Variants in PHIP observed in about 807,000 individuals in gnomAD.
The protein encoded by PHIP is PH-interacting protein.
Under a neutral mutation model 236.8 loss-of-function variants are expected in PHIP, and 54 were observed. That is an observed-to-expected ratio of 0.23 (90% CI 0.18 to 0.29). PHIP has a LOEUF of 0.29. PHIP is among the 10% of genes least tolerant of loss of function. The probability of loss-of-function intolerance (pLI) is 1.00; values close to 1 mark genes in which losing one functional copy is unlikely to be tolerated. For synonymous variants in PHIP, 756 were observed against 718.9 expected, an observed-to-expected ratio of 1.05 and a Z score of -0.83; for missense variants, 1,370 against 2,190.8, an observed-to-expected ratio of 0.63 and a Z score of 7.48.
At chr6:78,954,434 C>T (rs1766270543) in intron 35 of PHIP, among the ~76,000 whole-genome samples, 2 of 152,038 alleles carry the variant, frequency 1.3e-5, no homozygotes, top group African/African-American at 4.8e-5. Flanking sequence ...ATTCTCTTTA[C>T]ATCTCCATAA....
chr6:78,967,984 A>C (rs1767255228), intron 27 of PHIP, among the ~76,000 whole-genome samples: 1 of 151,970 alleles, frequency 6.6e-6, no homozygotes, highest in Non-Finnish European at 1.5e-5. Flanking sequence ...AATACAAAAA[A>C]AAAATTAGCC....
At chr6:79,062,039 C>T (rs1223587504) in intron 4 of PHIP, among the ~76,000 whole-genome samples, 1 of 152,104 alleles carries the variant, frequency 6.6e-6, no homozygotes, top group East Asian at 1.9e-4. Flanking sequence ...CATACTGCCA[C>T]CAAATAATCT....
chr6:78,941,802 A>T (rs1017644140), intron 39 of PHIP, among the ~76,000 whole-genome samples: 1 of 152,160 alleles, frequency 6.6e-6, no homozygotes, highest in Non-Finnish European at 1.5e-5. Flanking sequence ...ATATATATAT[A>T]TCAATCAAAA....
At chr6:78,974,970 C>T (rs919573630) in intron 24 of PHIP, among the ~76,000 whole-genome samples, 4 of 151,642 alleles carry the variant, frequency 2.6e-5, no homozygotes, top group Admixed American at 6.6e-5. Context: ...ACCATTCCTT[C>T]TGAAACTATT....
At chr6:78,969,469 T>C (rs988495463) in intron 27 of PHIP, among the ~76,000 whole-genome samples, 1 of 152,170 alleles carries the variant, frequency 6.6e-6, no homozygotes, top group African/African-American at 2.4e-5. Flanking sequence ...GATTAACCAA[T>C]AAAAGAAAAA....
intron 29 of PHIP, among the ~76,000 whole-genome samples, chr6:78,964,693 A>G (rs1767019345): frequency 6.6e-6 from 1 of 152,042 alleles, no homozygotes; most frequent in African/African-American, 2.4e-5. Context: ...GGGTTTCACC[A>G]TGTTGGTCAG....
intron 27 of PHIP, 42 bp from the exon 28 acceptor site, chr6:78,966,098 G>T: frequency 8.4e-7 from 1 of 1,192,554 alleles, no homozygotes; most frequent in Non-Finnish European, 1.3e-6. Context: ...TGAAATGCAT[G>T]GCTGCTGTCA....
chr6:79,029,132 A>C (rs1771538547), intron 7 of PHIP, among the ~76,000 whole-genome samples: 1 of 152,186 alleles, frequency 6.6e-6, no homozygotes, highest in Non-Finnish European at 1.5e-5. Flanking sequence ...TATTATCTCA[A>C]TTAACCTTTC....
chr6:78,955,671 C>G lies in PHIP; in HGVS notation c.3794G>C (p.Cys1265Ser). The G allele has an allele frequency of 1.9e-6, 2 of 1,049,906 alleles. No individual in the cohort carries two copies. The highest frequency in any genetic ancestry group is 2.9e-6 in the Non-Finnish European group (2 of 688,098). The allele number at this position is 1,049,906 out of a possible 1,614,324, so 65.0% of individuals were successfully genotyped here. The stretch of plus-strand genomic sequence containing the variant: ...ATTATAAAGTGGAATTATGTTATAA[C>G]AAGTCTGATCCCTACATAACAAGGA... ...LLLHFIKDQT[C>S]YNIIPLYNSM... is the part of the protein sequence containing the mutation. Residue 1265 changes from cysteine to serine, a missense_variant, in exon 33 of 40, where the codon TGT (cysteine) becomes TCT (serine). By Grantham distance (112) the Cys-to-Ser change is moderately radical. Coordinates refer to ENST00000275034, the MANE Select transcript of PHIP (RefSeq NM_017934.7).
chr6:78,970,876 G>A lies in PHIP; in HGVS notation c.2902C>T (p.Arg968Ter), dbSNP rs200788163. ...TCGACATAGGCTTCATGTCCTTGTC[G>A]GAAATAATAAACCTAAAAAATAAAG... ...PQMGDEVYYFRQGHEAYVEMA... is the reference protein window; with the variant it reads ...PQMGDEVYYF The change falls in exon 25 of 40, where the codon CGA becomes TGA. Residue 968 changes from arginine (R) to a stop codon, truncating the protein, a stop_gained. Transcript: ENST00000275034. LOFTEE classifies it high-confidence loss of function. 3 of 1,602,582 alleles carry A rather than the reference G, an allele frequency of 1.9e-6. No individual in the cohort carries two copies. The highest frequency in any genetic ancestry group is 1.7e-6 in the Non-Finnish European group (2 of 1,174,120).
chr6:79,007,839 T>C (rs1269366315), intron 15 of PHIP, among the ~76,000 whole-genome samples: 1 of 151,982 alleles, frequency 6.6e-6, no homozygotes, highest in Non-Finnish European at 1.5e-5. Context: ...AGAATAACCC[T>C]TAAGAAGTCC....
intron 9 of PHIP, among the ~76,000 whole-genome samples, chr6:79,023,221 A>C (rs1350539528): frequency 6.6e-6 from 1 of 152,126 alleles, no homozygotes; most frequent in Non-Finnish European, 1.5e-5. Context: ...TGGGACTATA[A>C]GTGTGTACCA....
In PHIP at chr6:79,057,057, T is replaced by C. The variant is rs550049026; in HGVS notation, c.439+3421A>G. On this transcript the variant is annotated intron_variant, in intron 6 of 39. Coordinates refer to ENST00000275034, the MANE Select transcript of PHIP (RefSeq NM_017934.7). The stretch of plus-strand genomic sequence containing the variant: ...ATCTAAAATAAAATTATCTCCAGGC[T>C]TCTGGCTTGGAGTAACAAGGTTCAG... Among the ~76,000 whole-genome samples the C allele has an allele frequency of 3.3e-4, 50 of 152,296 alleles. 1 individual carries two copies. The South Asian group carries it at 9.9e-3, about 30-fold the overall frequency.
intron 27 of PHIP, 47 bp from the exon 28 acceptor site, chr6:78,966,103 C>T (rs1767107851): frequency 1.8e-6 from 2 of 1,136,710 alleles, no homozygotes; most frequent in Non-Finnish European, 2.7e-6. Flanking sequence ...TGCATGGCTG[C>T]TGTCACTGCT....
At chr6:78,974,156 C>A (rs1478475498) in intron 24 of PHIP, among the ~76,000 whole-genome samples, 1 of 151,986 alleles carries the variant, frequency 6.6e-6, no homozygotes, top group African/African-American at 2.4e-5. Flanking sequence ...TGTAAAAGAA[C>A]AGAAATTATA....
intron 7 of PHIP, among the ~76,000 whole-genome samples, chr6:79,029,293 G>A (rs9343860): frequency 0.45 from 68,247 of 151,926 alleles, 15,980 homozygotes; most frequent in East Asian, 0.69. Flanking sequence ...CAACAGAACT[G>A]CAAGCATTCT....
At chr6:78,989,667 C>A (rs766844956) in intron 20 of PHIP, among the ~76,000 whole-genome samples, 33 of 152,024 alleles carry the variant, frequency 2.2e-4, no homozygotes, top group Non-Finnish European at 4.1e-4. Context: ...ATATACATAT[C>A]ATTCCTTTTA....
At chr6:78,964,243 G>T (rs1405898341) in intron 29 of PHIP, among the ~76,000 whole-genome samples, 1 of 151,934 alleles carries the variant, frequency 6.6e-6, no homozygotes, top group Non-Finnish European at 1.5e-5. Flanking sequence ...TATATTATTG[G>T]CATTAAATTT....
chr6:79,042,957 C>T lies in PHIP; in HGVS notation c.486G>A (p.Glu162=), dbSNP rs908793168. The change falls in exon 7 of 40, where the codon GAG becomes GAA. Residue 162 remains glutamate (E), a synonymous_variant. Coordinates refer to ENST00000275034, the MANE Select transcript of PHIP (RefSeq NM_017934.7). ...GATACACTGCAGTTGGAACAAGTCGCTCAAGTCTGTATTTCCCATTCAGCT... is the reference window on the plus strand; with the variant it reads ...GATACACTGCAGTTGGAACAAGTCGTTCAAGTCTGTATTTCCCATTCAGCT... ...SRKLNGKYRL[E]RLVPTAVYQH... is the part of the protein sequence containing the mutation. 1.2e-6 allele frequency: 2 copies of T among 1,612,258 alleles called. No homozygotes were observed. Among genetic ancestry groups the T allele is most frequent in the Admixed American group, 1.7e-5 (1 of 59,768 alleles).
Sources: gnomAD v4.1 joint callset for allele counts (sites outside exome capture counted in the v4.1 genomes callset) on GRCh38, gnomAD v4.1.1 for gene constraint, MANE v1.5 for transcripts, NCBI Gene and HGNC (gene_info 2026-07-23, HGNC 2026-07-21) for gene names.